The following RPIA variants were observed in gnomAD, a reference collection of about 807,000 sequenced individuals.
RPIA encodes ribose-5-phosphate isomerase.
A neutral mutation model predicts 37.8 loss-of-function variants in RPIA; 29 were observed. The observed-to-expected ratio is 0.77, with a 90% CI of 0.57 to 1.05. The LOEUF is 1.05. RPIA is among the 50% of genes least tolerant of loss of function. RPIA has a pLI of 0.00. For synonymous variants in RPIA, 167 were observed against 157.0 expected (o/e 1.06, Z -0.48); for missense variants, 385 against 413.6 (o/e 0.93, Z 0.60).
chr2:88,725,749 A>G (rs1673188974), intron 3 of RPIA, among the ~76,000 whole-genome samples: 1 of 152,212 alleles, frequency 6.6e-6, no homozygotes, highest in African/African-American at 2.4e-5. Context: ...GGGGAACACA[A>G]TTCAACCTAA....
intron 3 of RPIA, among the ~76,000 whole-genome samples, chr2:88,727,719 C>G (rs1275617878): frequency 6.6e-6 from 1 of 152,216 alleles, no homozygotes; most frequent in Non-Finnish European, 1.5e-5. Context: ...TGATCTCTCT[C>G]TCTTTTTGTT....
chr2:88,740,965 C>G (rs1321462712), intron 8 of RPIA, among the ~76,000 whole-genome samples: 1 of 152,144 alleles, frequency 6.6e-6, no homozygotes, highest in Non-Finnish European at 1.5e-5. Flanking sequence ...TATTTGTGTT[C>G]AGCAACTCTT....
chr2:88,691,819 G>C lies in RPIA; in HGVS notation c.121G>C (p.Val41Leu), dbSNP rs1676937388. 6.3e-7 allele frequency: 1 copy of C among 1,597,180 alleles called. No individual in the cohort carries two copies. Among genetic ancestry groups the C allele is most frequent in the Non-Finnish European group, 8.5e-7 (1 of 1,173,740 alleles). The change falls in exon 1 of 9, where the codon GTG becomes CTG. Residue 41 changes from valine to leucine, a missense_variant. Val to Leu is a conservative substitution (Grantham distance 32). Around this residue, in one of 2 missense-constraint regions of RPIA, gnomAD observed 232 missense variants for 203.0 expected, o/e 1.14. Coordinates refer to ENST00000283646, the MANE Select transcript of RPIA (RefSeq NM_144563.3). ...CAGCTGGGACCTCCCGGGTTCCCAC[G>C]TGCGGCTGCCGGGGCGTGCACAGTC... ...GNSWDLPGSH[V>L]RLPGRAQSGT...
At chr2:88,719,779 A>G (rs1252407231) in intron 3 of RPIA, among the ~76,000 whole-genome samples, 1 of 152,188 alleles carries the variant, frequency 6.6e-6, no homozygotes, top group African/African-American at 2.4e-5. Context: ...TGAACATAAG[A>G]TATAACTTCC....
chr2:88,715,301 C>G (rs534105455), intron 3 of RPIA, among the ~76,000 whole-genome samples: 1 of 152,038 alleles, frequency 6.6e-6, no homozygotes, highest in Non-Finnish European at 1.5e-5. Context: ...TGTTCCTCTT[C>G]GGGGGGAAGG....
intron 8 of RPIA, among the ~76,000 whole-genome samples, chr2:88,747,067 C>G (rs926646858): frequency 6.6e-6 from 1 of 152,102 alleles, no homozygotes; most frequent in African/African-American, 2.4e-5. Context: ...GAAAAACCAT[C>G]AGGTTAGGGC....
At position 88,737,988 on chromosome 2, in the gene RPIA, G is replaced by C; in HGVS notation, c.750G>C (p.Val250=). 6.2e-7 allele frequency: 1 copy of C among 1,613,172 alleles called. No homozygotes were observed. Among genetic ancestry groups the C allele is most frequent in the Non-Finnish European group, 8.5e-7 (1 of 1,179,166 alleles). The change falls in exon 8 of 9, where the codon GTG becomes GTC. Residue 250 remains valine (V), a synonymous_variant. Coordinates refer to ENST00000283646, the MANE Select transcript of RPIA (RefSeq NM_144563.3). ...AAATTATCTTCTAGGGTCCTGTGGT[G>C]ACAGATAATGGGAATTTTATCTTGG... The part of the protein sequence containing the change: ...RMAVNKAGPV[V]TDNGNFILDW...
At chr2:88,696,474 G>A (rs1672749216) in intron 1 of RPIA, among the ~76,000 whole-genome samples, 1 of 150,948 alleles carries the variant, frequency 6.6e-6, no homozygotes, top group African/African-American at 2.5e-5. Context: ...GAGCCCAGGA[G>A]TTTGAAGATG....
chr2:88,713,120 A>ATATAT (rs1041923467), intron 3 of RPIA, among the ~76,000 whole-genome samples: 3 of 65,294 alleles, frequency 4.6e-5, no homozygotes, highest in East Asian at 5.8e-4. Context: ...ATATATATAT[A>ATATAT]TTTTTTTTTT....
intron 4 of RPIA, among the ~76,000 whole-genome samples, chr2:88,732,842 A>C (rs1169415030): frequency 4.6e-5 from 7 of 151,496 alleles, no homozygotes; most frequent in Non-Finnish European, 8.8e-5. Context: ...GGTGAGGGTG[A>C]GCAACATCAC....
At chr2:88,708,161 G>A (rs935467918) in intron 3 of RPIA, among the ~76,000 whole-genome samples, 1 of 152,176 alleles carries the variant, frequency 6.6e-6, no homozygotes, top group Non-Finnish European at 1.5e-5. Context: ...TTCAGGCCTG[G>A]TCTGGTAATT....
At chr2:88,711,127 C>A (rs185201426) in intron 3 of RPIA, among the ~76,000 whole-genome samples, 4 of 152,304 alleles carry the variant, frequency 2.6e-5, no homozygotes, top group African/African-American at 9.6e-5. Flanking sequence ...ACCTGAGGTC[C>A]GGGCTGGTGG....
At chr2:88,694,869 C>T (rs568265141) in intron 1 of RPIA, among the ~76,000 whole-genome samples, 3 of 151,986 alleles carry the variant, frequency 2.0e-5, no homozygotes, top group African/African-American at 7.2e-5. Flanking sequence ...CAGGGTTTCC[C>T]CAGTCAGTCT....
At chr2:88,699,864 C>T (rs1228289276) in intron 2 of RPIA, 145 bp from the exon 3 acceptor site, 1 of 820,364 alleles carries the variant, frequency 1.2e-6, no homozygotes, top group African/African-American at 1.7e-5. Flanking sequence ...CCAACTTTCC[C>T]ACCAAGGAGG....
At chr2:88,698,821 T>C (rs1299224032) in intron 2 of RPIA, among the ~76,000 whole-genome samples, 4 of 152,198 alleles carry the variant, frequency 2.6e-5, no homozygotes, top group African/African-American at 9.7e-5. Flanking sequence ...GGTCCCAATA[T>C]AATTTTAATC....
At chr2:88,708,452 GT>G in intron 3 of RPIA, among the ~76,000 whole-genome samples, 1 of 152,318 alleles carries the variant, frequency 6.6e-6, no homozygotes, top group East Asian at 1.9e-4. Flanking sequence ...CAAAAAAAAG[GT>G]CCCTTGGCTA....
intron 3 of RPIA, among the ~76,000 whole-genome samples, chr2:88,718,542 T>C (rs1436636215): frequency 6.6e-6 from 1 of 152,168 alleles, no homozygotes; most frequent in Non-Finnish European, 1.5e-5. Context: ...AAAGTGACAT[T>C]CTTTACTTAC....
chr2:88,718,640 T>C (rs1372081740), intron 3 of RPIA, among the ~76,000 whole-genome samples: 2 of 152,198 alleles, frequency 1.3e-5, no homozygotes, highest in Non-Finnish European at 2.9e-5. Flanking sequence ...GTTTGATTTC[T>C]TTATGGAAGA....
At chr2:88,741,836 T>C (rs1221757875) in intron 8 of RPIA, among the ~76,000 whole-genome samples, 2 of 152,238 alleles carry the variant, frequency 1.3e-5, no homozygotes, top group Non-Finnish European at 2.9e-5. Flanking sequence ...TTTTTTCATA[T>C]GTTTGTTGGC....
Sources: allele counts gnomAD v4.1 joint callset (sites outside exome capture counted in the v4.1 genomes callset), GRCh38; gene constraint gnomAD v4.1.1; regional missense constraint gnomAD v4.1.1; transcripts MANE v1.5; gene names NCBI Gene and HGNC (gene_info 2026-07-23, HGNC 2026-07-21).